SLC6A14: variants seen among roughly 807,000 people sequenced by gnomAD.
SLC6A14 encodes solute carrier family 6 member 14.
Under a neutral mutation model 51.4 loss-of-function variants are expected in SLC6A14, and 21 were observed. The ratio of observed to expected loss-of-function variants is 0.41; its 90% confidence interval spans 0.29 to 0.59. The LOEUF is 0.59. Ranked by LOEUF, SLC6A14 falls within the 20% of genes least tolerant of loss-of-function variation. The pLI is 0.31. For synonymous variants in SLC6A14, 177 were observed against 160.7 expected (o/e 1.10, Z -0.77); for missense variants, 371 against 472.8 (o/e 0.78, Z 2.00).
intron 9 of SLC6A14, among the ~76,000 whole-genome samples, chrX:116,453,946 A>C (rs1451540758): frequency 9.0e-6 from 1 of 111,403 alleles, no homozygotes; most frequent in Non-Finnish European, 1.9e-5. Context: ...TATTTCATGA[A>C]CACATTTATC....
At chrX:116,445,111 T>C in intron 6 of SLC6A14, 61 bp downstream of exon 6, 1 of 1,031,204 alleles carries the variant, frequency 9.7e-7, no homozygotes, top group Non-Finnish European at 1.3e-6. Context: ...GGTAGTTCAA[T>C]ATCAAGCATT....
At position 116,458,866 on chromosome X, in the gene SLC6A14, C is replaced by T. The variant is rs1556694960; in HGVS notation, c.1840C>T (p.Arg614Cys). 1 of 1,203,278 alleles carries T rather than the reference C, an allele frequency of 8.3e-7. No individual in the cohort carries two copies. ...CTGGGGTCCATACCTGGAACAACAT[C>T]GTGGGGAAAGATATAAAGACATGGT... The part of the protein sequence containing the change: ...SNWGPYLEQH[R>C]GERYKDMVDP... The change falls in exon 14 of 14, where the codon CGT becomes TGT. Residue 614 changes from arginine to cysteine, a missense_variant. Around this residue, in one of 2 missense-constraint regions of SLC6A14, gnomAD observed 94 missense variants for 81.0 expected, o/e 1.16. Transcript: ENST00000598581.
chrX:116,444,849 T>TAAA (rs1927673693), intron 5 of SLC6A14, 69 bp from the exon 6 acceptor site: 2 of 1,083,503 alleles, frequency 1.8e-6, no homozygotes, highest in African/African-American at 3.7e-5. Flanking sequence ...ATAAATGGTA[T>TAAA]TACAAAACTC....
At chrX:116,447,821 T>C (rs1556694144) in intron 7 of SLC6A14, among the ~76,000 whole-genome samples, 1 of 110,901 alleles carries the variant, frequency 9.0e-6, no homozygotes, top group Non-Finnish European at 1.9e-5. Flanking sequence ...GGTCTCAAGC[T>C]CCTGACCTCA....
intron 2 of SLC6A14, among the ~76,000 whole-genome samples, chrX:116,439,293 T>C (rs1179650094): frequency 8.9e-6 from 1 of 111,872 alleles, no homozygotes; most frequent in South Asian, 3.6e-4. Context: ...AAATTTAATA[T>C]GCCGTATTGG....
rs1229795503 is a variant in SLC6A14, at chrX:116,443,557, AAT to A, written c.509-83_509-82del. ...AAGTAACAATTTTGATGATAATTTA[AAT>A]ATGTTACCATTAAAACATTTTCTAG... is the stretch of plus-strand genomic sequence containing the variant. On this transcript the variant is annotated intron_variant, in intron 4 of 13. Coordinates refer to ENST00000598581, the MANE Select transcript of SLC6A14 (RefSeq NM_007231.5). 3.8e-5 allele frequency: 24 copies of A among 639,192 alleles called. No homozygotes were observed. The African/African-American group carries it at 4.4e-4, about 12-fold the overall frequency. The allele number at this position is 639,192 out of a possible 1,213,427, so 52.7% of individuals were successfully genotyped here.
chrX:116,442,814 G>T lies in SLC6A14; in HGVS notation c.474G>T (p.Ser158=), dbSNP rs201550225. The stretch of plus-strand genomic sequence containing the variant: ...AACTACCATGGAAAAATTGTTCTTC[G>T]TGGTCAGATAAAAACTGTAGCAGAT... ...QSELPWKNCS[S]WSDKNCSRSP... Residue 158 remains serine, a synonymous_variant, in exon 4 of 14, where the codon TCG becomes TCT. Coordinates refer to ENST00000598581, the MANE Select transcript of SLC6A14 (RefSeq NM_007231.5). The T allele has an allele frequency of 4.2e-6, 5 of 1,188,986 alleles. No homozygotes were observed. The African/African-American group carries it at 9.0e-5, about 21-fold the overall frequency.
chrX:116,441,613 G>T (rs782623234), intron 3 of SLC6A14, among the ~76,000 whole-genome samples: 1 of 111,842 alleles, frequency 8.9e-6, no homozygotes, highest in East Asian at 2.8e-4. Context: ...TACCTCTTTT[G>T]ACTGAAGATT....
chrX:116,454,876 G>C (rs1556694656), intron 10 of SLC6A14, 101 bp from the exon 11 acceptor site: 6 of 580,073 alleles, frequency 1.0e-5, no homozygotes, highest in Non-Finnish European at 1.6e-5. Context: ...GGAAACTAAG[G>C]AGCATATGTC....
chrX:116,437,214 A>T (rs1467080160), intron 1 of SLC6A14, among the ~76,000 whole-genome samples: 1 of 111,734 alleles, frequency 8.9e-6, no homozygotes, highest in Non-Finnish European at 1.9e-5. Flanking sequence ...TTAGAAAGGC[A>T]TTGATTTTAA....
intron 13 of SLC6A14, among the ~76,000 whole-genome samples, chrX:116,457,979 C>G (rs1927966978): frequency 9.0e-6 from 1 of 111,602 alleles, no homozygotes; most frequent in Non-Finnish European, 1.9e-5. Context: ...CTGTGTTTCT[C>G]TATGCTAGAC....
intron 12 of SLC6A14, among the ~76,000 whole-genome samples, chrX:116,455,860 C>T (rs1927924815): frequency 9.0e-6 from 1 of 111,519 alleles, no homozygotes; most frequent in African/African-American, 3.2e-5. Context: ...CCCAGATCCT[C>T]TCTTCAAAGA....
intron 2 of SLC6A14, among the ~76,000 whole-genome samples, chrX:116,438,947 C>T (rs936771122): frequency 9.0e-6 from 1 of 111,594 alleles, no homozygotes; most frequent in African/African-American, 3.3e-5. Context: ...GTTTAAGTGT[C>T]AGTAGCATGA....
Position 116,441,043 on chromosome X carries a change from C to A in SLC6A14, c.292C>A (p.Gln98Lys). Residue 98 changes from glutamine (Q) to lysine (K), a missense_variant, in exon 3 of 14, where the codon CAA (glutamine) becomes AAA (lysine). Gln to Lys is a moderately conservative substitution (Grantham distance 53). Transcript: ENST00000598581. ...PLFFLECSLG[Q>K]FASLGPVSVW... is the part of the protein sequence containing the mutation. ...GTTCTTTCTGGAGTGTTCACTGGGACAATTTGCTAGCTTAGGTCCAGTTTC... is the reference window on the plus strand; with the variant it reads ...GTTCTTTCTGGAGTGTTCACTGGGAAAATTTGCTAGCTTAGGTCCAGTTTC... The A allele has an allele frequency of 8.3e-7, 1 of 1,210,009 alleles. No individual in the cohort carries two copies. Among genetic ancestry groups the A allele is most frequent in the Non-Finnish European group, 1.1e-6 (1 of 894,153 alleles).
chrX:116,451,074 G>A lies in SLC6A14; in HGVS notation c.931-368G>A. Among the ~76,000 whole-genome samples, 3 of 112,603 alleles carry A rather than the reference G, an allele frequency of 2.7e-5. No individual in the cohort carries two copies. In the Admixed American group the frequency reaches 2.8e-4, roughly 11 times the overall value. ...GTGGACATTTTATATAGTTCAACTTGATGATGGATAAATTTCACAATACCT... is the reference window on the plus strand; with the variant it reads ...GTGGACATTTTATATAGTTCAACTTAATGATGGATAAATTTCACAATACCT... On this transcript the variant is annotated intron_variant, in intron 7 of 13. Coordinates refer to ENST00000598581, the MANE Select transcript of SLC6A14 (RefSeq NM_007231.5).
chrX:116,440,536 T>A (rs1927574150), intron 2 of SLC6A14, among the ~76,000 whole-genome samples: 2 of 112,011 alleles, frequency 1.8e-5, no homozygotes. Context: ...ATAGGCCCTG[T>A]ATTTGAACCC....
chrX:116,436,931 A>C (rs1219719595), intron 1 of SLC6A14, among the ~76,000 whole-genome samples, 174 bp downstream of exon 1: 1 of 111,294 alleles, frequency 9.0e-6, no homozygotes, highest in Non-Finnish European at 1.9e-5. Flanking sequence ...AAAAGCTCTT[A>C]CTCTCATAGC....
rs1556693912 is a variant in SLC6A14, at chrX:116,445,063, A to G, written c.789+13A>G. The G allele has an allele frequency of 3.4e-6, 4 of 1,173,391 alleles. No individual in the cohort carries two copies. The highest frequency in any genetic ancestry group is 2.4e-4 in the Middle Eastern group (1 of 4,169). On this transcript the variant is annotated intron_variant, in intron 6 of 13. Coordinates refer to ENST00000598581, the MANE Select transcript of SLC6A14 (RefSeq NM_007231.5). ...ATCGTCTGGCAAGGTAACTTGAAAA[A>G]CACATTAGATAGCGATATAGCAGCT...
At chrX:116,454,956 T>A in intron 10 of SLC6A14, 21 bp from the exon 11 acceptor site, 1 of 1,060,789 alleles carries the variant, frequency 9.4e-7, no homozygotes, top group Non-Finnish European at 1.3e-6. Context: ...TACTTAGAAG[T>A]AATTAACATT....
Sources: allele counts gnomAD v4.1 joint callset (sites outside exome capture counted in the v4.1 genomes callset), GRCh38; gene constraint gnomAD v4.1.1; regional missense constraint gnomAD v4.1.1; transcripts MANE v1.5; gene names NCBI Gene and HGNC (gene_info 2026-07-23, HGNC 2026-07-21).